FER: variants seen among roughly 807,000 people sequenced by gnomAD.
FER encodes the protein tyrosine-protein kinase Fer.
FER carries 63 observed loss-of-function variants against 111.0 expected under a neutral mutation model. That is an observed-to-expected ratio of 0.57 (90% CI 0.46 to 0.70). The LOEUF is 0.70. FER is among the 30% of genes least tolerant of loss of function. FER has a pLI of 0.00. For missense variants in FER, 914 were observed against 954.0 expected (o/e 0.96, Z 0.55); for synonymous variants, 327 against 313.9 (o/e 1.04, Z -0.44).
chr5:108,785,597 G>A (rs1324684994), intron 2 of FER: 9 of 373,356 alleles, frequency 2.4e-5, no homozygotes, highest in Admixed American at 6.9e-5. Context: ...GAACAAACTG[G>A]AAAAAAAAAA....
intron 3 of FER, among the ~76,000 whole-genome samples, chr5:108,814,733 G>A (rs1377424933): frequency 6.6e-6 from 1 of 152,162 alleles, no homozygotes; most frequent in African/African-American, 2.4e-5. Flanking sequence ...AGCTCAGCAA[G>A]TCGCAGCCTC....
At chr5:108,815,007 A>G (rs1165353624) in intron 3 of FER, among the ~76,000 whole-genome samples, 1 of 152,136 alleles carries the variant, frequency 6.6e-6, no homozygotes, top group African/African-American at 2.4e-5. Context: ...TGGCATAAGA[A>G]GATATTCCAA....
chr5:109,136,395 A>G (rs1392873650), intron 17 of FER, among the ~76,000 whole-genome samples: 1 of 152,232 alleles, frequency 6.6e-6, no homozygotes, highest in Non-Finnish European at 1.5e-5. Context: ...ACATATATAA[A>G]AAATCGTGTT....
At chr5:109,100,320 C>A in intron 16 of FER, 76 bp from the exon 17 acceptor site, 1 of 1,557,982 alleles carries the variant, frequency 6.4e-7, no homozygotes. Context: ...TCAAATATTC[C>A]TAATAGATCC....
chr5:108,984,015 T>TA (rs1290487789), intron 13 of FER, among the ~76,000 whole-genome samples: 1 of 152,034 alleles, frequency 6.6e-6, no homozygotes, highest in African/African-American at 2.4e-5. Flanking sequence ...GGCAATACAG[T>TA]AAAAAAACAA....
At chr5:109,139,340 T>C in intron 17 of FER, among the ~76,000 whole-genome samples, 1 of 107,144 alleles carries the variant, frequency 9.3e-6, no homozygotes, top group Non-Finnish European at 1.8e-5. Flanking sequence ...TTACTTCTCC[T>C]TCTTTCTTTC....
intron 13 of FER, among the ~76,000 whole-genome samples, chr5:109,033,795 C>G (rs958243923): frequency 6.6e-6 from 1 of 152,024 alleles, no homozygotes; most frequent in Non-Finnish European, 1.5e-5. Context: ...GGCATTTATC[C>G]CTGCCTCTTA....
intron 13 of FER, among the ~76,000 whole-genome samples, chr5:109,024,552 G>A (rs948160512): frequency 3.3e-5 from 5 of 152,050 alleles, no homozygotes; most frequent in Admixed American, 2.0e-4. Flanking sequence ...TCTTCATAAT[G>A]GCCAGAGTGT....
intron 17 of FER, among the ~76,000 whole-genome samples, chr5:109,109,176 T>A (rs1582067637): frequency 6.6e-6 from 1 of 152,156 alleles, no homozygotes; most frequent in East Asian, 1.9e-4. Flanking sequence ...ACAAATTAGC[T>A]GTGTGATTTT....
intron 12 of FER, among the ~76,000 whole-genome samples, chr5:108,956,510 G>C (rs1387108384): frequency 6.6e-6 from 1 of 151,460 alleles, no homozygotes; most frequent in Non-Finnish European, 1.5e-5. Flanking sequence ...GCAAATTTTT[G>C]CTTGTTTTTA....
intron 17 of FER, among the ~76,000 whole-genome samples, chr5:109,172,915 C>A (rs1448698815): frequency 2.0e-5 from 3 of 152,068 alleles, no homozygotes; most frequent in African/African-American, 7.2e-5. Flanking sequence ...AAACTATAAA[C>A]CATCCAGATT....
At chr5:108,911,651 GAT>G (rs1345634291) in intron 10 of FER, among the ~76,000 whole-genome samples, 1 of 152,148 alleles carries the variant, frequency 6.6e-6, no homozygotes, top group Non-Finnish European at 1.5e-5. Context: ...TATGGTGAGA[GAT>G]AGGGGTCTAG....
At chr5:108,821,077 A>T (rs1758791646) in intron 3 of FER, among the ~76,000 whole-genome samples, 1 of 152,200 alleles carries the variant, frequency 6.6e-6, no homozygotes, top group Admixed American at 6.5e-5. Context: ...GCTCCACTGT[A>T]CTCCAGCCTG....
At chr5:108,759,656 C>T (rs368600468) in intron 1 of FER, among the ~76,000 whole-genome samples, 1 of 152,198 alleles carries the variant, frequency 6.6e-6, no homozygotes, top group East Asian at 1.9e-4. Context: ...TTGCTGTGTC[C>T]TCACATGGCA....
intron 13 of FER, among the ~76,000 whole-genome samples, chr5:108,974,874 T>C (rs1462554500): frequency 3.1e-4 from 47 of 152,232 alleles, no homozygotes; most frequent in Non-Finnish European, 4.4e-5. Flanking sequence ...GCAGACATTA[T>C]GATTTTAGCC....
chr5:109,163,948 A>G (rs1453753317), intron 17 of FER, among the ~76,000 whole-genome samples: 1 of 152,178 alleles, frequency 6.6e-6, no homozygotes, highest in African/African-American at 2.4e-5. Context: ...TAGATTATGA[A>G]AACATTCAGA....
At chr5:108,933,084 G>C (rs10079123) in intron 10 of FER, among the ~76,000 whole-genome samples, 1,668 of 152,174 alleles carry the variant, frequency 0.011, 34 homozygotes, top group African/African-American at 0.038. Flanking sequence ...CTGTGCAAAA[G>C]CTCCTTAGTT....
At chr5:109,074,230 C>G (rs72792520) in intron 16 of FER, among the ~76,000 whole-genome samples, 2,284 of 152,198 alleles carry the variant, frequency 0.015, 34 homozygotes, top group Non-Finnish European at 0.021. Flanking sequence ...GAAACTGAAG[C>G]AAAGAGAGAC....
At chr5:109,064,294 T>A (rs374497407) in intron 16 of FER, among the ~76,000 whole-genome samples, 155 of 152,318 alleles carry the variant, frequency 1.0e-3, no homozygotes, top group African/African-American at 3.6e-3. Flanking sequence ...TAATGTTTTT[T>A]AGATATACTC....
Sources: allele counts gnomAD v4.1 joint callset (sites outside exome capture counted in the v4.1 genomes callset), GRCh38; gene constraint gnomAD v4.1.1; transcripts MANE v1.5; gene names NCBI Gene and HGNC (gene_info 2026-07-23, HGNC 2026-07-21).